The following STXBP5L variants were observed in gnomAD, a reference collection of about 807,000 sequenced individuals.
The protein encoded by STXBP5L is syntaxin binding protein 5L, also known as syntaxin-binding protein 5-like.
A neutral mutation model predicts 144.5 loss-of-function variants in STXBP5L; 65 were observed. The observed-to-expected ratio is 0.45, with a 90% CI of 0.37 to 0.55. The LOEUF (loss-of-function observed/expected upper bound fraction) is 0.55, where lower values mean the gene tolerates loss of function less well. STXBP5L is among the 20% of genes least tolerant of loss of function. The pLI is 0.00. For missense variants in STXBP5L, 1,298 were observed against 1,405.5 expected (o/e 0.92, Z 1.22); for synonymous variants, 505 against 469.6 (o/e 1.08, Z -0.97).
intron 3 of STXBP5L, among the ~76,000 whole-genome samples, chr3:121,019,656 T>G (rs2108202679): frequency 6.6e-6 from 1 of 152,198 alleles, no homozygotes; most frequent in East Asian, 1.9e-4. Context: ...ACTAGGTGAT[T>G]AGATCTGGAA....
At chr3:121,097,407 C>G (rs997256985) in intron 5 of STXBP5L, among the ~76,000 whole-genome samples, 2 of 152,168 alleles carry the variant, frequency 1.3e-5, no homozygotes, top group Admixed American at 1.3e-4. Flanking sequence ...AATGGCCACC[C>G]AGTTTTGTGC....
chr3:121,269,160 T>A (rs534191126), intron 18 of STXBP5L, among the ~76,000 whole-genome samples: 12 of 152,228 alleles, frequency 7.9e-5, no homozygotes, highest in South Asian at 6.2e-4. Context: ...AAGACAATCA[T>A]GATTATTATA....
intron 2 of STXBP5L, among the ~76,000 whole-genome samples, chr3:120,936,618 G>GTT (rs904273453): frequency 1.4e-5 from 2 of 146,320 alleles, no homozygotes; most frequent in Non-Finnish European, 3.0e-5. Context: ...ATACATGCAG[G>GTT]TTTTTTTTTT....
Position 121,016,955 on chromosome 3 carries a change from A to C in STXBP5L, c.288-24745A>C, listed in dbSNP as rs1389144856. 1.1e-4 allele frequency among the ~76,000 whole-genome samples: 17 copies of C among 152,358 alleles called. No individual in the cohort carries two copies. In the East Asian group the frequency reaches 3.1e-3, roughly 28 times the overall value. On this transcript the variant is annotated intron_variant, in intron 3 of 26. Coordinates refer to ENST00000471454, the MANE Select transcript of STXBP5L (RefSeq NM_001308330.2). ...ATCCCTGGAGGATTAGCATTACCCA[A>C]GTATCAAATCCAGACAAAGACATTA...
chr3:121,166,896 G>T (rs1449297495), intron 9 of STXBP5L, among the ~76,000 whole-genome samples: 1 of 152,118 alleles, frequency 6.6e-6, no homozygotes, highest in Non-Finnish European at 1.5e-5. Context: ...TAAGGCAATT[G>T]TGGAAATAAA....
At chr3:121,216,300 A>G (rs1245859954) in intron 10 of STXBP5L, among the ~76,000 whole-genome samples, 1 of 151,318 alleles carries the variant, frequency 6.6e-6, no homozygotes, top group Non-Finnish European at 1.5e-5. Flanking sequence ...GCCTTTTTAT[A>G]CTTTTTTGTC....
At chr3:121,022,234 T>G (rs1945609347) in intron 3 of STXBP5L, among the ~76,000 whole-genome samples, 1 of 152,024 alleles carries the variant, frequency 6.6e-6, no homozygotes, top group Non-Finnish European at 1.5e-5. Context: ...ATAGAAACTC[T>G]AAACAGACTC....
chr3:120,973,336 T>G (rs1452942474), intron 3 of STXBP5L, among the ~76,000 whole-genome samples: 1 of 152,078 alleles, frequency 6.6e-6, no homozygotes, highest in African/African-American at 2.4e-5. Context: ...CACTTCCTCT[T>G]GGTTTTTAGT....
chr3:121,071,221 A>T (rs1438089745), intron 5 of STXBP5L, among the ~76,000 whole-genome samples: 1 of 152,232 alleles, frequency 6.6e-6, no homozygotes, highest in Non-Finnish European at 1.5e-5. Context: ...GCTTGGCAGC[A>T]TTTGCAAAGA....
intron 3 of STXBP5L, among the ~76,000 whole-genome samples, chr3:120,972,373 C>G (rs1168417512): frequency 1.3e-5 from 2 of 152,022 alleles, no homozygotes; most frequent in African/African-American, 4.8e-5. Context: ...TCAGCTTCAT[C>G]ATTATTGGTG....
At chr3:121,157,852 T>C (rs1365111716) in intron 9 of STXBP5L, 2 of 501,176 alleles carry the variant, frequency 4.0e-6, no homozygotes, top group Non-Finnish European at 6.5e-6. Context: ...GCTGTAGTTA[T>C]GTACTGTCCC....
intron 7 of STXBP5L, among the ~76,000 whole-genome samples, chr3:121,123,277 T>G (rs1159954649): frequency 1.3e-5 from 2 of 151,674 alleles, no homozygotes; most frequent in African/African-American, 4.8e-5. Context: ...TTAAGCATTA[T>G]CAACATTTAA....
chr3:121,178,158 A>G (rs1421830854), intron 9 of STXBP5L, among the ~76,000 whole-genome samples: 1 of 152,212 alleles, frequency 6.6e-6, no homozygotes, highest in Non-Finnish European at 1.5e-5. Context: ...TAATGGGTTC[A>G]GAGTTTCAGT....
At chr3:120,954,221 AT>A (rs1937768826) in intron 2 of STXBP5L, among the ~76,000 whole-genome samples, 2 of 152,242 alleles carry the variant, frequency 1.3e-5, no homozygotes, top group Non-Finnish European at 1.5e-5. Context: ...ATTTCTTAAC[AT>A]TTTTTGAGGT....
intron 20 of STXBP5L, among the ~76,000 whole-genome samples, chr3:121,326,669 G>C (rs903666932): frequency 2.6e-5 from 4 of 152,006 alleles, no homozygotes; most frequent in African/African-American, 9.7e-5. Context: ...AGAAAAATTT[G>C]ACCTTACCCT....
At chr3:121,091,977 T>C (rs1256420444) in intron 5 of STXBP5L, among the ~76,000 whole-genome samples, 2 of 152,150 alleles carry the variant, frequency 1.3e-5, no homozygotes, top group Admixed American at 1.3e-4. Context: ...GGGATCCAGT[T>C]TCAGCTTTCT....
At chr3:121,398,104 C>G (rs2046778195) in intron 22 of STXBP5L, among the ~76,000 whole-genome samples, 2 of 152,208 alleles carry the variant, frequency 1.3e-5, no homozygotes, top group African/African-American at 4.8e-5. Context: ...ACATACGGCA[C>G]AATCAGGAGC....
At chr3:121,319,548 G>A (rs907518814) in intron 20 of STXBP5L, among the ~76,000 whole-genome samples, 5 of 151,722 alleles carry the variant, frequency 3.3e-5, no homozygotes, top group African/African-American at 1.2e-4. Flanking sequence ...TGATCTTATT[G>A]TAAAGACTGT....
At chr3:121,397,802 G>A (rs1027667338) in intron 22 of STXBP5L, among the ~76,000 whole-genome samples, 7 of 152,104 alleles carry the variant, frequency 4.6e-5, no homozygotes, top group African/African-American at 1.4e-4. Flanking sequence ...GTTGTCCATC[G>A]GGCCCTTCAC....
Sources: gnomAD v4.1 joint callset for allele counts (sites outside exome capture counted in the v4.1 genomes callset) on GRCh38, gnomAD v4.1.1 for gene constraint, MANE v1.5 for transcripts, NCBI Gene and HGNC (gene_info 2026-07-23, HGNC 2026-07-21) for gene names.